Variants in GRM8 observed in about 807,000 individuals in gnomAD.
GRM8 encodes the protein metabotropic glutamate receptor 8.
Under a neutral mutation model 87.2 loss-of-function variants are expected in GRM8, and 47 were observed. That is an observed-to-expected ratio of 0.54 (90% CI 0.43 to 0.69). The LOEUF (loss-of-function observed/expected upper bound fraction) is 0.69, where lower values mean the gene tolerates loss of function less well. Ranked by LOEUF, GRM8 falls within the 30% of genes least tolerant of loss-of-function variation. The pLI is 0.00. For synonymous variants in GRM8, 396 were observed against 404.5 expected, an observed-to-expected ratio of 0.98 and a Z score of 0.25; for missense variants, 1,019 against 1,139.2, an observed-to-expected ratio of 0.89 and a Z score of 1.52.
chr7:126,806,816 G>A (rs1312421194), intron 6 of GRM8, among the ~76,000 whole-genome samples: 1 of 152,168 alleles, frequency 6.6e-6, no homozygotes, highest in East Asian at 1.9e-4. Context: ...GGCTTGCGGA[G>A]CCCGCGCCTA....
At chr7:126,450,094 G>T (rs1802451197) in intron 9 of GRM8, among the ~76,000 whole-genome samples, 1 of 151,716 alleles carries the variant, frequency 6.6e-6, no homozygotes, top group African/African-American at 2.4e-5. Context: ...TTCAAACTCT[G>T]GATAGGTCAT....
chr7:126,742,179 T>A (rs1160625634), intron 7 of GRM8, among the ~76,000 whole-genome samples: 1 of 152,108 alleles, frequency 6.6e-6, no homozygotes, highest in East Asian at 1.9e-4. Flanking sequence ...ACAGTTTAAA[T>A]CTGTGTTGTT....
chr7:126,590,131 A>G (rs1210796884), intron 8 of GRM8, among the ~76,000 whole-genome samples: 1 of 147,522 alleles, frequency 6.8e-6, no homozygotes, highest in Non-Finnish European at 1.5e-5. Flanking sequence ...AAAAAAAAAA[A>G]ATGATAGACG....
chr7:127,144,916 TC>T (rs1231096140), intron 2 of GRM8, among the ~76,000 whole-genome samples: 2 of 152,134 alleles, frequency 1.3e-5, no homozygotes, highest in Non-Finnish European at 2.9e-5. Context: ...TCTACACAGT[TC>T]TAGCAGAAAA....
intron 3 of GRM8, among the ~76,000 whole-genome samples, chr7:127,078,987 C>T (rs975594562): frequency 6.6e-6 from 1 of 152,182 alleles, no homozygotes; most frequent in African/African-American, 2.4e-5. Flanking sequence ...CAACTTAACA[C>T]TTCTAATCAA....
chr7:126,976,422 G>A (rs552963407), intron 3 of GRM8, among the ~76,000 whole-genome samples: 2 of 152,000 alleles, frequency 1.3e-5, no homozygotes, highest in Admixed American at 6.6e-5. Context: ...GGTGAAACCC[G>A]TCTCTACTAA....
At chr7:126,691,166 C>T (rs1808766444) in intron 7 of GRM8, among the ~76,000 whole-genome samples, 1 of 152,226 alleles carries the variant, frequency 6.6e-6, no homozygotes, top group Admixed American at 6.5e-5. Flanking sequence ...CTGCCCTTAG[C>T]CCCTTCTTGG....
intron 2 of GRM8, among the ~76,000 whole-genome samples, chr7:127,187,797 A>C (rs1012906044): frequency 9.2e-5 from 14 of 152,138 alleles, no homozygotes; most frequent in Admixed American, 8.5e-4. Flanking sequence ...TCTCCAATAC[A>C]ATATCTTTAT....
chr7:127,074,497 G>A (rs1421995009), intron 3 of GRM8, among the ~76,000 whole-genome samples: 1 of 152,150 alleles, frequency 6.6e-6, no homozygotes, highest in Non-Finnish European at 1.5e-5. Context: ...TGTTCTAGGT[G>A]ATGAGTCTCA....
chr7:126,580,415 C>A (rs2299472), intron 8 of GRM8, among the ~76,000 whole-genome samples: 46,947 of 152,002 alleles, frequency 0.31, 8,133 homozygotes, highest in East Asian at 0.44. Context: ...TAGTCTAGAT[C>A]CATCTAGCTT....
intron 9 of GRM8, among the ~76,000 whole-genome samples, chr7:126,491,045 A>G (rs1807949088): frequency 6.6e-6 from 1 of 152,090 alleles, no homozygotes; most frequent in African/African-American, 2.4e-5. Flanking sequence ...AACCTTCTAT[A>G]TGATGTACCA....
chr7:126,796,978 A>C (rs982189413), intron 6 of GRM8, among the ~76,000 whole-genome samples: 1 of 152,122 alleles, frequency 6.6e-6, no homozygotes, highest in African/African-American at 2.4e-5. Context: ...AGTTAAATTC[A>C]AATTTCAGGA....
chr7:126,775,487 T>C (rs1406249576), intron 6 of GRM8, among the ~76,000 whole-genome samples: 2 of 59,984 alleles, frequency 3.3e-5, no homozygotes, highest in Admixed American at 3.6e-4. Flanking sequence ...AGGTTTTTTT[T>C]TTTTTTTTTT....
intron 8 of GRM8, among the ~76,000 whole-genome samples, chr7:126,596,185 G>T (rs1797176045): frequency 6.6e-6 from 1 of 152,152 alleles, no homozygotes; most frequent in African/African-American, 2.4e-5. Context: ...TAATGGGATT[G>T]CTGGGGTGAA....
At chr7:127,126,019 T>C (rs568326515) in intron 2 of GRM8, among the ~76,000 whole-genome samples, 1 of 152,138 alleles carries the variant, frequency 6.6e-6, no homozygotes, top group East Asian at 1.9e-4. Flanking sequence ...TGCTTTATAC[T>C]GTTGGTAGAA....
chr7:126,484,124 A>G (rs1454193402), intron 9 of GRM8, among the ~76,000 whole-genome samples: 3 of 152,070 alleles, frequency 2.0e-5, no homozygotes, highest in Non-Finnish European at 4.4e-5. Flanking sequence ...TTGATGGAGA[A>G]AAATATTAAA....
intron 9 of GRM8, among the ~76,000 whole-genome samples, chr7:126,466,815 A>C (rs1205908745): frequency 6.6e-6 from 1 of 151,854 alleles, no homozygotes; most frequent in Non-Finnish European, 1.5e-5. Flanking sequence ...CAGTCTACCT[A>C]TTCAAATGCT....
At chr7:127,041,479 C>A (rs143713092) in intron 3 of GRM8, among the ~76,000 whole-genome samples, 28 of 152,326 alleles carry the variant, frequency 1.8e-4, no homozygotes, top group African/African-American at 6.7e-4. Context: ...AGCCAATGAT[C>A]AGACGCTATG....
chr7:126,834,710 C>G (rs1220851217), intron 6 of GRM8, among the ~76,000 whole-genome samples: 1 of 152,314 alleles, frequency 6.6e-6, no homozygotes, highest in African/African-American at 2.4e-5. Flanking sequence ...ACTGAAATCA[C>G]AAACTTCAAC....
Sources: gnomAD v4.1 joint callset for allele counts (sites outside exome capture counted in the v4.1 genomes callset) on GRCh38, gnomAD v4.1.1 for gene constraint, MANE v1.5 for transcripts, NCBI Gene and HGNC (gene_info 2026-07-23, HGNC 2026-07-21) for gene names.